Variants in SCUBE1 observed in about 807,000 individuals in gnomAD.
The protein encoded by SCUBE1 is signal peptide, CUB and EGF-like domain-containing protein 1.
In SCUBE1, 59 loss-of-function variants were observed where a neutral mutation model predicts 124.4. The observed-to-expected ratio is 0.47, with a 90% CI of 0.38 to 0.59. SCUBE1 has a LOEUF of 0.59. Among genes scored for constraint, SCUBE1 ranks in the 20% least tolerant of loss-of-function variants. SCUBE1 has a pLI of 0.00. For missense variants in SCUBE1, 1,150 were observed against 1,371.2 expected (o/e 0.84, Z 2.55); for synonymous variants, 545 against 550.9 (o/e 0.99, Z 0.15).
intron 4 of SCUBE1, among the ~76,000 whole-genome samples, chr22:43,267,626 A>G (rs376271685): frequency 5.3e-5 from 8 of 152,322 alleles, no homozygotes; most frequent in African/African-American, 1.7e-4. Context: ...AGGGTGGCCC[A>G]TTCTAGCTCC....
chr22:43,290,089 T>TCCTGC (rs1200702119), intron 4 of SCUBE1, among the ~76,000 whole-genome samples: 1 of 152,180 alleles, frequency 6.6e-6, no homozygotes, highest in Non-Finnish European at 1.5e-5. Context: ...GAACCTTGGC[T>TCCTGC]CCTGCCCTGC....
chr22:43,208,922 CCTTCCCGA>C (rs1236012117), intron 19 of SCUBE1, among the ~76,000 whole-genome samples: 2 of 152,148 alleles, frequency 1.3e-5, no homozygotes, highest in African/African-American at 4.8e-5. Context: ...TCCCTGGGGG[CCTTCCCGA>C]GGAGCCCTTC....
chr22:43,325,071 G>A (rs905869141), intron 2 of SCUBE1, among the ~76,000 whole-genome samples: 2 of 151,462 alleles, frequency 1.3e-5, no homozygotes, highest in African/African-American at 4.9e-5. Context: ...AGAGAAGGCA[G>A]CCGTGGGATG....
intron 4 of SCUBE1, among the ~76,000 whole-genome samples, chr22:43,267,638 C>T (rs762326580): frequency 2.6e-5 from 4 of 152,210 alleles, no homozygotes; most frequent in Non-Finnish European, 4.4e-5. Flanking sequence ...TCTAGCTCCT[C>T]ACCAGACAGA....
intron 2 of SCUBE1, among the ~76,000 whole-genome samples, chr22:43,336,586 T>C (rs1474477976): frequency 6.6e-6 from 1 of 152,186 alleles, no homozygotes; most frequent in Non-Finnish European, 1.5e-5. Flanking sequence ...TTCGGTATGG[T>C]GGCCCTTACA....
In SCUBE1 at chr22:43,210,055, T is replaced by C; in HGVS notation, c.2569A>G (p.Met857Val). Reference sequence around the variant, plus strand: ...GCCCCCAACATACCACTCTTCCTCATGACCAGAACATCGCCGCACTCATCC... The same window carrying C: ...GCCCCCAACATACCACTCTTCCTCACGACCAGAACATCGCCGCACTCATCC... ...IEDECGDVLVMRKSASPTSIT... is the reference protein window; with the variant it reads ...IEDECGDVLVVRKSASPTSIT... Residue 857 changes from methionine (M) to valine (V), a missense_variant, in exon 19 of 22, where the codon ATG becomes GTG. By Grantham distance (21) the Met-to-Val change is conservative. This residue lies in a region of SCUBE1 where 757 missense variants were observed against 840.9 expected (regional missense o/e 0.90). Transcript: ENST00000360835. The surrounding 1 kb of genome is among the most constrained non-coding windows in gnomAD (Gnocchi z 4.5). 1 of 1,607,686 alleles carries C rather than the reference T, an allele frequency of 6.2e-7. No homozygotes were observed. The highest frequency in any genetic ancestry group is 8.5e-7 in the Non-Finnish European group (1 of 1,176,858).
intron 7 of SCUBE1, among the ~76,000 whole-genome samples, chr22:43,237,107 T>TG (rs983592680): frequency 0.012 from 309 of 25,796 alleles, 2 homozygotes; most frequent in African/African-American, 0.032. Context: ...TGTGGTGGGG[T>TG]GGGGGGGGTT....
At chr22:43,232,273 C>T (rs1922585715) in intron 7 of SCUBE1, 1 of 191,782 alleles carries the variant, frequency 5.2e-6, no homozygotes. Context: ...CAGGCAGGCA[C>T]CACTTCTGGT....
chr22:43,215,569 A>G (rs1921773420), intron 15 of SCUBE1, among the ~76,000 whole-genome samples: 1 of 152,240 alleles, frequency 6.6e-6, no homozygotes, highest in Non-Finnish European at 1.5e-5. Context: ...GGCTGGGGGT[A>G]TCCTGTGCCT....
chr22:43,243,126 G>A (rs534230012), intron 6 of SCUBE1, among the ~76,000 whole-genome samples: 47 of 152,378 alleles, frequency 3.1e-4, no homozygotes, highest in African/African-American at 1.0e-3. Context: ...GAAGCTGGCC[G>A]TGTTCAGGTC....
rs542508639 is a variant in SCUBE1, at chr22:43,338,817, C to G, written c.220+287G>C. Among the ~76,000 whole-genome samples, 3 of 152,192 alleles carry G rather than the reference C, an allele frequency of 2.0e-5. No homozygotes were observed. The East Asian group carries it at 5.8e-4, about 29-fold the overall frequency. ...TCTCCCAAAGTGCTGGGATTACAGA[C>G]GTGAGCCACCGCACCCAGCCAATTT... is the stretch of plus-strand genomic sequence containing the variant. On this transcript the variant is annotated intron_variant, in intron 2 of 21. Coordinates refer to ENST00000360835, the MANE Select transcript of SCUBE1 (RefSeq NM_173050.5).
chr22:43,308,704 T>C (rs1360874582), intron 3 of SCUBE1, among the ~76,000 whole-genome samples: 2 of 152,164 alleles, frequency 1.3e-5, no homozygotes, highest in African/African-American at 4.8e-5. Context: ...GCCGGTGACT[T>C]CCTCCCCCAG....
At chr22:43,235,571 T>C (rs1386788537) in intron 7 of SCUBE1, among the ~76,000 whole-genome samples, 1 of 150,058 alleles carries the variant, frequency 6.7e-6, no homozygotes, top group South Asian at 2.1e-4. Context: ...AGGCGGTAGG[T>C]GGGGGGTTCT....
chr22:43,298,482 C>T (rs1156266205), intron 3 of SCUBE1, among the ~76,000 whole-genome samples: 2 of 152,214 alleles, frequency 1.3e-5, no homozygotes, highest in Admixed American at 6.5e-5. Flanking sequence ...TCACTGCTCA[C>T]GTCCAAACCC....
chr22:43,268,502 C>T lies in SCUBE1; in HGVS notation c.485-5657G>A, dbSNP rs907059291. Among the ~76,000 whole-genome samples, 4 of 152,240 alleles carry T rather than the reference C, an allele frequency of 2.6e-5. 1 individual carries two copies. The highest frequency in any genetic ancestry group is 5.9e-5 in the Non-Finnish European group (4 of 68,042). On this transcript the variant is annotated intron_variant, in intron 4 of 21. Coordinates refer to ENST00000360835, the MANE Select transcript of SCUBE1 (RefSeq NM_173050.5). ...ACCACCCAAATCCAATTACATGCTA[C>T]AAACTCAGACCAAGTGTCTCCTTGG... is the stretch of plus-strand genomic sequence containing the variant.
intron 6 of SCUBE1, among the ~76,000 whole-genome samples, chr22:43,247,552 C>T (rs775755593): frequency 6.6e-6 from 1 of 152,130 alleles, no homozygotes; most frequent in Non-Finnish European, 1.5e-5. Context: ...GGAAATCTCG[C>T]CTCAGGAAGC....
chr22:43,309,778 G>A (rs74989560), intron 3 of SCUBE1, among the ~76,000 whole-genome samples: 3,439 of 151,822 alleles, frequency 0.023, 127 homozygotes, highest in African/African-American at 0.079. Flanking sequence ...TAGAAACTCC[G>A]GGGAAACCCA....
At position 43,211,713 on chromosome 22, in the gene SCUBE1, A is replaced by G. The variant is rs1004692618; in HGVS notation, c.2222-630T>C. ...TTTTGTATTTTTTTTAAGTAGAGAC[A>G]GGGTTTTGCCATGCTAGCCGGGCTG... On this transcript the variant is annotated intron_variant, in intron 17 of 21. Transcript: ENST00000360835. The surrounding 1 kb of genome is among the most constrained non-coding windows in gnomAD (Gnocchi z 4.5). Among the ~76,000 whole-genome samples the G allele has an allele frequency of 1.3e-5, 2 of 152,048 alleles. No individual in the cohort carries two copies. The highest frequency in any genetic ancestry group is 2.9e-5 in the Non-Finnish European group (2 of 67,992).
intron 6 of SCUBE1, among the ~76,000 whole-genome samples, chr22:43,256,416 C>T (rs1923662419): frequency 3.3e-5 from 5 of 152,168 alleles, no homozygotes; most frequent in South Asian, 4.1e-4. Context: ...TATGCGGAGA[C>T]ATTCGTTCCC....
Sources: allele counts gnomAD v4.1 joint callset (sites outside exome capture counted in the v4.1 genomes callset), GRCh38; gene constraint gnomAD v4.1.1; regional missense constraint gnomAD v4.1.1; non-coding constraint Gnocchi (gnomAD v3.1); transcripts MANE v1.5; gene names NCBI Gene and HGNC (gene_info 2026-07-23, HGNC 2026-07-21).